Variants in NUP153 observed in about 807,000 individuals in gnomAD.
NUP153 encodes the protein nucleoporin 153, also known as nuclear pore complex protein Nup153.
A neutral mutation model predicts 134.6 loss-of-function variants in NUP153; 27 were observed. The ratio of observed to expected loss-of-function variants is 0.20; its 90% CI spans 0.15 to 0.28. NUP153 has a LOEUF of 0.28. Ranked by LOEUF, NUP153 falls within the 10% of genes least tolerant of loss-of-function variation. The pLI, the probability that NUP153 is intolerant of heterozygous loss-of-function variation, is 1.00. For missense variants in NUP153, 1,821 were observed against 1,731.3 expected, an observed-to-expected ratio of 1.05 and a Z score of -0.92; for synonymous variants, 640 against 623.5, an observed-to-expected ratio of 1.03 and a Z score of -0.40.
intron 1 of NUP153, among the ~76,000 whole-genome samples, chr6:17,701,424 GA>G (rs1342793334): frequency 6.6e-6 from 1 of 151,986 alleles, no homozygotes; most frequent in African/African-American, 2.4e-5. Flanking sequence ...AGCACTTTGG[GA>G]GGTCAAGGCA....
intron 1 of NUP153, among the ~76,000 whole-genome samples, chr6:17,705,525 C>T (rs922499527): frequency 7.6e-6 from 1 of 131,070 alleles, no homozygotes; most frequent in African/African-American, 2.9e-5. Context: ...GCTGGAGTCC[C>T]GGTCAACTGT....
chr6:17,666,524 CAAAA>C (rs1382611007), intron 8 of NUP153, among the ~76,000 whole-genome samples: 1 of 152,016 alleles, frequency 6.6e-6, no homozygotes, highest in Non-Finnish European at 1.5e-5. Flanking sequence ...CCAAAACAAA[CAAAA>C]AAACTAGCTA....
In NUP153 at chr6:17,629,456, A is replaced by G. The variant is rs749979764; in HGVS notation, c.2743T>C (p.Ser915Pro). 1 of 1,613,198 alleles carries G rather than the reference A, an allele frequency of 6.2e-7. No individual in the cohort carries two copies. Among genetic ancestry groups the G allele is most frequent in the Non-Finnish European group, 8.5e-7 (1 of 1,179,800 alleles). The change falls in exon 18 of 22, where the codon TCT (serine) becomes CCT (proline). Residue 915 changes from serine to proline, a missense_variant. Physicochemically the swap from Ser to Pro is moderately conservative, Grantham distance 74. Transcript: ENST00000262077. ...FGVSSSSSGP[S>P]QTLTSTGNFK... ...TTTCCAGTGCTTGTTAAAGTCTGAG[A>G]AGGCCCAGAAGAGGATGATGAGACA...
chr6:17,669,911 A>G (rs1767789761), intron 5 of NUP153, among the ~76,000 whole-genome samples: 1 of 151,930 alleles, frequency 6.6e-6, no homozygotes, highest in African/African-American at 2.4e-5. Flanking sequence ...CCTGGGCAAC[A>G]TGGTGAAACC....
At chr6:17,627,975 C>T (rs890334255) in intron 18 of NUP153, among the ~76,000 whole-genome samples, 3 of 152,186 alleles carry the variant, frequency 2.0e-5, no homozygotes, top group African/African-American at 7.2e-5. Flanking sequence ...TTCTAGGCCA[C>T]TCCTATCCCA....
chr6:17,680,053 G>A lies in NUP153; in HGVS notation c.335-4283C>T, dbSNP rs4579347. ...TACCTTACCCCATGTCAATTCCTGC[G>A]CTTTGCCTAATAAAAAAAATTCCTA... On this transcript the variant is annotated intron_variant, in intron 2 of 21. Transcript: ENST00000262077. The surrounding 1 kb of genome is among the most constrained non-coding windows in gnomAD (Gnocchi z 4.5). Among the ~76,000 whole-genome samples the A allele has an allele frequency of 0.018, 2,737 of 152,166 alleles. 93 individuals carry two copies. Among genetic ancestry groups the A allele is most frequent in the African/African-American group, 0.062 (2,563 of 41,500 alleles).
chr6:17,616,299 C>T lies in NUP153; in HGVS notation c.4344-118G>A. 4.8e-6 allele frequency: 3 copies of T among 618,722 alleles called. No homozygotes were observed. In the South Asian group the frequency reaches 5.7e-5, roughly 12 times the overall value. The allele number at this position is 618,722 out of a possible 1,614,324, so 38.3% of individuals were successfully genotyped here. On this transcript the variant is annotated intron_variant, in intron 21 of 21. Transcript: ENST00000262077. ...GGGTCGGGTGGGGGGGGAGTAGACT[C>T]ACATTGGTATATACATTTTCTGCTA...
At chr6:17,698,893 A>C (rs1769852839) in intron 1 of NUP153, among the ~76,000 whole-genome samples, 1 of 152,128 alleles carries the variant, frequency 6.6e-6, no homozygotes, top group Middle Eastern at 3.4e-3. Context: ...AGAAAACTCA[A>C]TAAAAGCTCA....
At chr6:17,705,295 C>T (rs1051802814) in intron 1 of NUP153, among the ~76,000 whole-genome samples, 1 of 152,138 alleles carries the variant, frequency 6.6e-6, no homozygotes. Flanking sequence ...TTAACATTTT[C>T]CTATTCAATA....
chr6:17,656,436 T>A (rs573519278), intron 11 of NUP153, among the ~76,000 whole-genome samples: 2 of 152,164 alleles, frequency 1.3e-5, no homozygotes, highest in South Asian at 4.2e-4. Flanking sequence ...GAGTTTTTTT[T>A]ATTTGTTATT....
At chr6:17,656,950 T>C (rs140912965) in intron 11 of NUP153, among the ~76,000 whole-genome samples, 98 of 152,304 alleles carry the variant, frequency 6.4e-4, no homozygotes, top group African/African-American at 2.2e-3. Context: ...CCAGCCAATT[T>C]CAGTCAGTTT....
intron 20 of NUP153, 72 bp downstream of exon 20, chr6:17,624,489 C>T (rs1581662061): frequency 6.8e-7 from 1 of 1,466,496 alleles, no homozygotes; most frequent in Non-Finnish European, 9.3e-7. Context: ...TGAATGGTTT[C>T]CAAGCTCAAA....
In NUP153 at chr6:17,644,215, T is replaced by A. The variant is rs189417771; in HGVS notation, c.1720+1852A>T. ...TTAATCTATCTTTTGAGGATCTAGT[T>A]TTTAAAAATTCCCAAACTCAGAAGA... On this transcript the variant is annotated intron_variant, in intron 14 of 21. Coordinates refer to ENST00000262077, the MANE Select transcript of NUP153 (RefSeq NM_005124.4). Among the ~76,000 whole-genome samples the A allele has an allele frequency of 1.6e-4, 24 of 152,286 alleles. No homozygotes were observed. In the East Asian group the frequency reaches 4.4e-3, roughly 28 times the overall value.
intron 20 of NUP153, among the ~76,000 whole-genome samples, chr6:17,621,710 G>C (rs750629427): frequency 2.9e-4 from 44 of 152,162 alleles, no homozygotes; most frequent in South Asian, 1.9e-3. Flanking sequence ...GGTGGTGGTA[G>C]GAAGGGAAGG....
At position 17,706,344 on chromosome 6, in the gene NUP153, T is replaced by C; in HGVS notation, c.44A>G (p.Lys15Arg). 6.2e-7 allele frequency: 1 copy of C among 1,613,458 alleles called. No individual in the cohort carries two copies. Among genetic ancestry groups the C allele is most frequent in the East Asian group, 2.2e-5 (1 of 44,840 alleles). Residue 15 changes from lysine to arginine, a missense_variant, in exon 1 of 22, where the codon AAG (lysine) becomes AGG (arginine). Transcript: ENST00000262077. The surrounding 1 kb of genome is among the most constrained non-coding windows in gnomAD (Gnocchi z 5.9). ...AGGVGGGGGG[K>R]IRTRRCHQGP... ...CTGGTGGCAACGCCGCGTCCGGATC[T>C]TGCCGCCACCGCCCCCTCCGACTCC... is the stretch of plus-strand genomic sequence containing the variant.
chr6:17,643,149 A>T (rs192784150), intron 14 of NUP153, among the ~76,000 whole-genome samples: 105 of 152,302 alleles, frequency 6.9e-4, no homozygotes, highest in Non-Finnish European at 1.2e-3. Flanking sequence ...TCCCTTTAAA[A>T]TGGCTGTATC....
At chr6:17,670,307 T>C (rs1767824508) in intron 5 of NUP153, among the ~76,000 whole-genome samples, 1 of 152,028 alleles carries the variant, frequency 6.6e-6, no homozygotes, top group African/African-American at 2.4e-5. Context: ...AAGACAAAAA[T>C]CTTCAAATAT....
chr6:17,673,268 C>G (rs542273763), intron 5 of NUP153, among the ~76,000 whole-genome samples: 2 of 152,204 alleles, frequency 1.3e-5, no homozygotes, highest in East Asian at 1.9e-4. Flanking sequence ...ACTCAGGAGG[C>G]TGACGCAGAG....
At chr6:17,636,334 C>CAA (rs199891939) in intron 16 of NUP153, among the ~76,000 whole-genome samples, 11 of 67,560 alleles carry the variant, frequency 1.6e-4, no homozygotes, top group African/African-American at 4.4e-4. Flanking sequence ...GACTCTGTCT[C>CAA]AAAAAAAAAA....
Sources: allele counts gnomAD v4.1 joint callset (sites outside exome capture counted in the v4.1 genomes callset), GRCh38; gene constraint gnomAD v4.1.1; non-coding constraint Gnocchi (gnomAD v3.1); transcripts MANE v1.5; gene names NCBI Gene and HGNC (gene_info 2026-07-23, HGNC 2026-07-21).